The following CNTNAP5 variants were observed in gnomAD, a reference collection of about 807,000 sequenced individuals.
CNTNAP5 encodes contactin-associated protein-like 5.
Under a neutral mutation model 150.2 loss-of-function variants are expected in CNTNAP5, and 72 were observed. The ratio of observed to expected loss-of-function variants is 0.48; its 90% CI spans 0.40 to 0.58. The LOEUF is 0.58. Among genes scored for constraint, CNTNAP5 ranks in the 20% least tolerant of loss-of-function variants. The probability of loss-of-function intolerance (pLI) is 0.00; values close to 1 mark genes in which losing one functional copy is unlikely to be tolerated. For synonymous variants in CNTNAP5, 672 were observed against 619.8 expected (o/e 1.08, Z -1.25); for missense variants, 1,636 against 1,626.2 (o/e 1.01, Z -0.10).
At chr2:124,284,322 G>C (rs1288594677) in intron 3 of CNTNAP5, among the ~76,000 whole-genome samples, 1 of 152,156 alleles carries the variant, frequency 6.6e-6, no homozygotes, top group Admixed American at 6.5e-5. Context: ...AGATGGGTCA[G>C]GGAGGCCCCC....
chr2:124,339,361 T>C (rs1220810506), intron 3 of CNTNAP5, among the ~76,000 whole-genome samples: 3 of 152,108 alleles, frequency 2.0e-5, no homozygotes, highest in Admixed American at 1.3e-4. Context: ...TGTAGTATAA[T>C]TAAAATTGTA....
rs563523815 is a variant in CNTNAP5, at chr2:124,634,803, G to A, written c.1877-12955G>A. Among the ~76,000 whole-genome samples the A allele has an allele frequency of 1.1e-4, 17 of 152,150 alleles. No individual in the cohort carries two copies. The South Asian group carries it at 2.5e-3, about 22-fold the overall frequency. On this transcript the variant is annotated intron_variant, in intron 12 of 23. Coordinates refer to ENST00000682447, the MANE Select transcript of CNTNAP5 (RefSeq NM_001367498.1). ...ACAGATGTGAGCCACTGTACCTCAC[G>A]TAATAAATTTCATATCTCCATCTGA...
chr2:124,203,340 T>A (rs781601271), intron 1 of CNTNAP5, among the ~76,000 whole-genome samples: 2 of 152,168 alleles, frequency 1.3e-5, no homozygotes, highest in Non-Finnish European at 2.9e-5. Context: ...CACCCCCTCC[T>A]GGCTGCTTTC....
intron 13 of CNTNAP5, among the ~76,000 whole-genome samples, chr2:124,736,473 C>T (rs1680384810): frequency 6.6e-6 from 1 of 152,108 alleles, no homozygotes; most frequent in African/African-American, 2.4e-5. Context: ...TTATACTAAC[C>T]AGGTTCAATC....
chr2:124,257,526 G>A (rs948841384), intron 3 of CNTNAP5, among the ~76,000 whole-genome samples: 3 of 152,154 alleles, frequency 2.0e-5, no homozygotes, highest in East Asian at 1.9e-4. Context: ...TGACACATAC[G>A]TCTCCACCTT....
intron 1 of CNTNAP5, among the ~76,000 whole-genome samples, chr2:124,047,857 T>C (rs1474976396): frequency 1.3e-5 from 2 of 152,180 alleles, no homozygotes; most frequent in African/African-American, 4.8e-5. Flanking sequence ...CCTGCCTTCA[T>C]GCCACTTAGA....
chr2:124,078,527 C>T (rs1165866035), intron 1 of CNTNAP5, among the ~76,000 whole-genome samples: 2 of 152,148 alleles, frequency 1.3e-5, no homozygotes, highest in Admixed American at 1.3e-4. Flanking sequence ...CAAATTATGA[C>T]TTGGCCTAAA....
At chr2:124,624,353 T>G (rs963190169) in intron 12 of CNTNAP5, among the ~76,000 whole-genome samples, 1 of 152,218 alleles carries the variant, frequency 6.6e-6, no homozygotes, top group Non-Finnish European at 1.5e-5. Context: ...GATTGCAGTG[T>G]GATTTTAATT....
intron 14 of CNTNAP5, among the ~76,000 whole-genome samples, chr2:124,754,332 C>G (rs2105153738): frequency 6.6e-6 from 1 of 152,258 alleles, no homozygotes; most frequent in East Asian, 1.9e-4. Context: ...ATGAGCTACT[C>G]TACTGCTTAT....
intron 21 of CNTNAP5, among the ~76,000 whole-genome samples, chr2:124,883,035 G>A (rs1250130462): frequency 4.0e-5 from 6 of 151,446 alleles, no homozygotes; most frequent in African/African-American, 1.5e-4. Context: ...GGTTGGGGAC[G>A]GAGCCTAACC....
At position 124,571,527 on chromosome 2, in the gene CNTNAP5, C is replaced by CTTTTTTTTTTT. The variant is rs1214169811; in HGVS notation, c.1756+8215_1756+8225dup. Among the ~76,000 whole-genome samples, 170 of 46,840 alleles carry CTTTTTTTTTTT rather than the reference C, an allele frequency of 3.6e-3. 11 individuals are homozygous for CTTTTTTTTTTT. Among genetic ancestry groups the CTTTTTTTTTTT allele is most frequent in the East Asian group, 6.3e-3 (13 of 2,058 alleles). 30.7% of individuals were successfully genotyped at this position (46,840 alleles called of 152,430 possible). A position where few individuals can be genotyped will look rare whatever the true frequency, so the allele number is the denominator to read the frequency against. ...CACTGAGTACTTTTTTTTCTTTTTT[C>CTTTTTTTTTTT]TTTTTTTTTTTTTTTTTTTTTGAGA... On this transcript the variant is annotated intron_variant, in intron 11 of 23. Coordinates refer to ENST00000682447, the MANE Select transcript of CNTNAP5 (RefSeq NM_001367498.1).
At chr2:124,661,769 C>T (rs1046472423) in intron 13 of CNTNAP5, among the ~76,000 whole-genome samples, 2 of 152,062 alleles carry the variant, frequency 1.3e-5, no homozygotes, top group African/African-American at 4.8e-5. Flanking sequence ...ATTCATTGCA[C>T]AATAACTTGA....
At chr2:124,116,816 T>C (rs952387654) in intron 1 of CNTNAP5, among the ~76,000 whole-genome samples, 3 of 152,224 alleles carry the variant, frequency 2.0e-5, no homozygotes, top group Admixed American at 6.5e-5. Flanking sequence ...CATCATCTTT[T>C]GGAGGCCACC....
Position 124,570,893 on chromosome 2 carries a change from G to A in CNTNAP5, c.1756+7570G>A, listed in dbSNP as rs145325684. ...ATGGAGTGACTAAGTCCTGAGGTCT[G>A]TCTCACTCTGACAGCCTAGTGTCAA... On this transcript the variant is annotated intron_variant, in intron 11 of 23. Transcript: ENST00000682447. Among the ~76,000 whole-genome samples, 406 of 152,302 alleles carry A rather than the reference G, an allele frequency of 2.7e-3. 3 individuals carry two copies. Among genetic ancestry groups the A allele is most frequent in the African/African-American group, 9.2e-3 (381 of 41,564 alleles).
At chr2:124,471,492 G>A (rs978169868) in intron 6 of CNTNAP5, among the ~76,000 whole-genome samples, 15 of 152,034 alleles carry the variant, frequency 9.9e-5, no homozygotes, top group South Asian at 4.1e-4. Flanking sequence ...TCTAGATATC[G>A]GATTATGTCA....
rs941242123 is a variant in CNTNAP5, at chr2:124,118,093, C to T, written c.82+92361C>T. Among the ~76,000 whole-genome samples the T allele has an allele frequency of 6.6e-5, 10 of 151,996 alleles. 1 individual carries two copies. The South Asian group carries it at 1.5e-3, about 22-fold the overall frequency. ...TCTAGGTATTTTTTTTTAAATGACA[C>T]TATTCTTTTAAAATCATTTTTCTTT... On this transcript the variant is annotated intron_variant, in intron 1 of 23. Coordinates refer to ENST00000682447, the MANE Select transcript of CNTNAP5 (RefSeq NM_001367498.1).
intron 13 of CNTNAP5, among the ~76,000 whole-genome samples, chr2:124,728,911 GATGTGAATTTCCAA>G (rs72181016): frequency 0.16 from 24,799 of 151,898 alleles, 2,488 homozygotes; most frequent in South Asian, 0.22. Context: ...TCTATTATCT[GATGTGAATTTCCAA>G]ATGTGAATTT....
At chr2:124,737,936 C>T (rs935164457) in intron 13 of CNTNAP5, among the ~76,000 whole-genome samples, 1 of 151,962 alleles carries the variant, frequency 6.6e-6, no homozygotes, top group African/African-American at 2.4e-5. Context: ...AAGCATGAAT[C>T]TGCTTGGAAT....
chr2:124,862,756 G>A (rs893103277), intron 19 of CNTNAP5, among the ~76,000 whole-genome samples: 1 of 152,182 alleles, frequency 6.6e-6, no homozygotes, highest in Non-Finnish European at 1.5e-5. Context: ...CTTTCATGGG[G>A]TCAAACTTAC....
Sources: allele counts gnomAD v4.1 joint callset (sites outside exome capture counted in the v4.1 genomes callset), GRCh38; gene constraint gnomAD v4.1.1; transcripts MANE v1.5; gene names NCBI Gene and HGNC (gene_info 2026-07-23, HGNC 2026-07-21).